HS2ST1: variants seen among roughly 807,000 people sequenced by gnomAD.
HS2ST1 encodes heparan sulfate 2-O-sulfotransferase 1, also known as 2-O-sulfotransferase.
Under a neutral mutation model 42.9 loss-of-function variants are expected in HS2ST1, and 18 were observed. The observed-to-expected ratio is 0.42, with a 90% CI of 0.29 to 0.62. The LOEUF (loss-of-function observed/expected upper bound fraction) is 0.62, where lower values mean the gene tolerates loss of function less well. Ranked by LOEUF, HS2ST1 falls within the 20% of genes least tolerant of loss-of-function variation. HS2ST1 has a pLI of 0.21. For synonymous variants in HS2ST1, 146 were observed against 152.9 expected, an observed-to-expected ratio of 0.95 and a Z score of 0.33; for missense variants, 334 against 433.8, an observed-to-expected ratio of 0.77 and a Z score of 2.04.
At position 87,107,618 on chromosome 1, in the gene HS2ST1, A is replaced by G. The variant is rs887381193; in HGVS notation, c.*2922A>G. The G allele has an allele frequency of 2.4e-5, 3 of 125,142 alleles. No individual in the cohort carries two copies. Among genetic ancestry groups the G allele is most frequent in the African/African-American group, 9.3e-5 (3 of 32,206 alleles). The allele number at this position is 125,142 out of a possible 1,614,324, so 7.8% of individuals were successfully genotyped here. A position where few individuals can be genotyped will look rare whatever the true frequency, so the allele number is the denominator to read the frequency against. Reference sequence around the variant, plus strand: ...CACTTGGAATTTTAAAGATAATGTTATGTGTGTATGTGAAATATATATACA... The same window carrying G: ...CACTTGGAATTTTAAAGATAATGTTGTGTGTGTATGTGAAATATATATACA... On this transcript the variant is annotated 3_prime_UTR_variant, in exon 7 of 7. Coordinates refer to ENST00000370550, the MANE Select transcript of HS2ST1 (RefSeq NM_012262.4).
At chr1:87,083,749 T>G (rs1375957642) in intron 2 of HS2ST1, among the ~76,000 whole-genome samples, 2 of 152,234 alleles carry the variant, frequency 1.3e-5, no homozygotes, top group African/African-American at 4.8e-5. Context: ...GTTTTAAATA[T>G]TACTTTTTAT....
At chr1:87,101,512 C>T (rs1277922088) in intron 5 of HS2ST1, among the ~76,000 whole-genome samples, 1 of 152,106 alleles carries the variant, frequency 6.6e-6, no homozygotes, top group Non-Finnish European at 1.5e-5. Flanking sequence ...AGAACTTGGA[C>T]ACCACATAGC....
chr1:86,986,056 T>A (rs1157902262), intron 1 of HS2ST1, among the ~76,000 whole-genome samples: 3 of 150,552 alleles, frequency 2.0e-5, no homozygotes, highest in African/African-American at 4.9e-5. Flanking sequence ...TTTTTTTTTT[T>A]AATCTCCCAC....
At chr1:87,024,227 C>T (rs943912186) in intron 1 of HS2ST1, among the ~76,000 whole-genome samples, 36 of 152,064 alleles carry the variant, frequency 2.4e-4, no homozygotes, top group African/African-American at 7.0e-4. Flanking sequence ...TCTGGCTGGG[C>T]GCAGTGGCTC....
In HS2ST1 at chr1:87,083,551, C is replaced by G. The variant is rs79790587; in HGVS notation, c.364-643C>G. ...CCAGTTTTAGACATATTAAAATATA[C>G]TTATATAATTTTTCATATTAATTTT... On this transcript the variant is annotated intron_variant, in intron 2 of 6. Transcript: ENST00000370550. 1.2e-4 allele frequency among the ~76,000 whole-genome samples: 19 copies of G among 152,118 alleles called. No individual in the cohort carries two copies. The East Asian group carries it at 3.7e-3, about 29-fold the overall frequency.
chr1:86,961,871 C>T (rs1647854872), intron 1 of HS2ST1, among the ~76,000 whole-genome samples: 1 of 152,056 alleles, frequency 6.6e-6, no homozygotes, highest in Admixed American at 6.6e-5. Context: ...CAATTTGTGA[C>T]CTTTTTTGTG....
At chr1:87,100,220 A>G (rs912368010) in intron 5 of HS2ST1, among the ~76,000 whole-genome samples, 4 of 152,164 alleles carry the variant, frequency 2.6e-5, no homozygotes, top group Admixed American at 1.3e-4. Flanking sequence ...GGAATCTGCA[A>G]TCTAGGTGGA....
chr1:86,923,816 G>C (rs377521080), intron 1 of HS2ST1, among the ~76,000 whole-genome samples: 4 of 152,148 alleles, frequency 2.6e-5, no homozygotes, highest in African/African-American at 9.7e-5. Context: ...CCACAACACA[G>C]GGGAATTCAA....
intron 1 of HS2ST1, among the ~76,000 whole-genome samples, chr1:86,930,680 C>T (rs563973971): frequency 3.9e-5 from 6 of 151,922 alleles, no homozygotes; most frequent in Non-Finnish European, 5.9e-5. Context: ...ACCATCCTCC[C>T]CTATTCCTCC....
intron 4 of HS2ST1, 87 bp from the exon 5 acceptor site, chr1:87,097,751 C>T: frequency 4.0e-6 from 6 of 1,490,524 alleles, no homozygotes; most frequent in Non-Finnish European, 5.5e-6. Context: ...TACTCTGGCC[C>T]ATTTATTTAA....
intron 1 of HS2ST1, among the ~76,000 whole-genome samples, chr1:87,010,619 G>C (rs184454198): frequency 6.6e-6 from 1 of 151,842 alleles, no homozygotes. Context: ...TTCATATGTA[G>C]ACTAATACTA....
chr1:86,965,233 T>C (rs879367199), intron 1 of HS2ST1, among the ~76,000 whole-genome samples: 6 of 152,090 alleles, frequency 3.9e-5, no homozygotes, highest in Admixed American at 3.3e-4. Flanking sequence ...TGGCTCTCTC[T>C]TGTTCCTTCA....
At chr1:87,037,867 CTATAA>C (rs1650421807) in intron 1 of HS2ST1, among the ~76,000 whole-genome samples, 3 of 151,854 alleles carry the variant, frequency 2.0e-5, no homozygotes, top group Admixed American at 1.3e-4. Context: ...TAGCATATAT[CTATAA>C]TATATCTCTA....
At chr1:86,970,743 T>C (rs1184769877) in intron 1 of HS2ST1, among the ~76,000 whole-genome samples, 1 of 152,170 alleles carries the variant, frequency 6.6e-6, no homozygotes, top group Non-Finnish European at 1.5e-5. Context: ...AATGTCCACA[T>C]TTAAAGTTAT....
At chr1:87,095,025 A>G (rs1392847459) in intron 4 of HS2ST1, among the ~76,000 whole-genome samples, 2 of 152,112 alleles carry the variant, frequency 1.3e-5, no homozygotes, top group South Asian at 2.1e-4. Flanking sequence ...GTGATTAGAC[A>G]TTTTTAGTAA....
intron 2 of HS2ST1, among the ~76,000 whole-genome samples, chr1:87,076,991 T>C (rs1430976013): frequency 6.6e-6 from 1 of 152,220 alleles, no homozygotes; most frequent in East Asian, 1.9e-4. Flanking sequence ...AGAGCAGCAC[T>C]TTAGATGAAT....
chr1:87,007,632 C>T (rs1225791856), intron 1 of HS2ST1, among the ~76,000 whole-genome samples: 3 of 152,168 alleles, frequency 2.0e-5, no homozygotes, highest in Admixed American at 2.0e-4. Flanking sequence ...ACTCCTCTGA[C>T]ATTTCTCCAG....
chr1:87,099,958 G>C lies in HS2ST1; in HGVS notation c.686+2023G>C, dbSNP rs72955602. ...TTCATCTCCTGCATCCTGGTGCAAGGGGTGGGCTCCCAAGGCCTTGAGCAG... is the reference window on the plus strand; with the variant it reads ...TTCATCTCCTGCATCCTGGTGCAAGCGGTGGGCTCCCAAGGCCTTGAGCAG... On this transcript the variant is annotated intron_variant, in intron 5 of 6. Transcript: ENST00000370550. Among the ~76,000 whole-genome samples the C allele has an allele frequency of 3.8e-3, 576 of 152,286 alleles. 4 individuals carry two copies. Among genetic ancestry groups the C allele is most frequent in the African/African-American group, 0.013 (536 of 41,562 alleles).
intron 1 of HS2ST1, among the ~76,000 whole-genome samples, chr1:86,986,039 CTTTTTT>C (rs11377612): frequency 7.5e-6 from 1 of 133,836 alleles, no homozygotes; most frequent in African/African-American, 2.8e-5. Flanking sequence ...AGCTTGGCCT[CTTTTTT>C]TTTTTTTTTT....
Sources: allele counts gnomAD v4.1 joint callset (sites outside exome capture counted in the v4.1 genomes callset), GRCh38; gene constraint gnomAD v4.1.1; transcripts MANE v1.5; gene names NCBI Gene and HGNC (gene_info 2026-07-23, HGNC 2026-07-21).